AXDND1: variants seen among roughly 807,000 people sequenced by gnomAD.
The protein encoded by AXDND1 is axonemal dynein light chain domain containing 1, also known as axonemal dynein light chain domain-containing protein 1.
Under a neutral mutation model 137.5 loss-of-function variants are expected in AXDND1, and 110 were observed. The ratio of observed to expected loss-of-function variants is 0.80; its 90% CI spans 0.69 to 0.94. AXDND1 has a LOEUF of 0.94. Among genes scored for constraint, AXDND1 ranks in the 40% least tolerant of loss-of-function variants. The pLI, the probability that AXDND1 is intolerant of heterozygous loss-of-function variation, is 0.00. For missense variants in AXDND1, 1,191 were observed against 1,169.8 expected (o/e 1.02, Z -0.26); for synonymous variants, 414 against 399.7 (o/e 1.04, Z -0.43).
At chr1:179,474,543 A>T (rs1196454651) in intron 17 of AXDND1, among the ~76,000 whole-genome samples, 1 of 152,202 alleles carries the variant, frequency 6.6e-6, no homozygotes, top group Admixed American at 6.5e-5. Context: ...CTGGAATAAA[A>T]GTCACCCTTG....
intron 21 of AXDND1, among the ~76,000 whole-genome samples, chr1:179,521,327 C>G (rs1004977456): frequency 1.3e-5 from 2 of 152,130 alleles, no homozygotes; most frequent in East Asian, 3.9e-4. Context: ...GCTGCTCTTC[C>G]TCTTACTGTT....
At chr1:179,495,611 T>C (rs535602973) in intron 20 of AXDND1, among the ~76,000 whole-genome samples, 1 of 152,080 alleles carries the variant, frequency 6.6e-6, no homozygotes, top group East Asian at 1.9e-4. Context: ...TCTTTGGGAT[T>C]TTTAATACAC....
At chr1:179,418,436 A>C (rs1571738543) in intron 12 of AXDND1, among the ~76,000 whole-genome samples, 1 of 152,008 alleles carries the variant, frequency 6.6e-6, no homozygotes, top group Non-Finnish European at 1.5e-5. Flanking sequence ...TCTTTTCCCC[A>C]CCTTTTCCCC....
intron 1 of AXDND1, 51 bp from the exon 2 acceptor site, chr1:179,366,353 A>G (rs1667394482): frequency 1.7e-6 from 1 of 578,310 alleles, no homozygotes; most frequent in East Asian, 3.0e-5. Flanking sequence ...TAAGTACTCA[A>G]TAGTTGTCAT....
intron 4 of AXDND1, among the ~76,000 whole-genome samples, chr1:179,370,751 T>C (rs573421849): frequency 6.6e-6 from 1 of 152,320 alleles, no homozygotes; most frequent in South Asian, 2.1e-4. Flanking sequence ...AAACAAATGT[T>C]TACACTTAAC....
At chr1:179,537,618 C>T (rs532851255) in intron 25 of AXDND1, among the ~76,000 whole-genome samples, 8 of 152,220 alleles carry the variant, frequency 5.3e-5, no homozygotes, top group Non-Finnish European at 1.0e-4. Context: ...AGGATTTTCT[C>T]ATCAATGTTC....
chr1:179,377,805 A>G (rs1335659007), intron 4 of AXDND1, among the ~76,000 whole-genome samples: 2 of 152,148 alleles, frequency 1.3e-5, no homozygotes, highest in African/African-American at 2.4e-5. Flanking sequence ...ATTGCAGGAC[A>G]ATTTTAGGAA....
At chr1:179,370,784 C>A (rs1346992073) in intron 4 of AXDND1, among the ~76,000 whole-genome samples, 1 of 152,300 alleles carries the variant, frequency 6.6e-6, no homozygotes, top group South Asian at 2.1e-4. Context: ...GTTATTTAGT[C>A]TTTCTGAAGC....
intron 11 of AXDND1, among the ~76,000 whole-genome samples, chr1:179,400,363 G>A (rs1041689893): frequency 2.6e-5 from 4 of 152,010 alleles, no homozygotes; most frequent in African/African-American, 9.7e-5. Flanking sequence ...ACTGATACGT[G>A]GGAGTTAAGC....
In AXDND1 at chr1:179,492,844, C is replaced by G. The variant is rs780325208; in HGVS notation, c.2292-11C>G. ...CTCTTTTTCTTTTTCTTTTTTTCCC[C>G]CTTTTTGCAGTTGTTGCAAAGGGAT... On this transcript the variant is annotated splice_polypyrimidine_tract_variant and intron_variant, in intron 19 of 25. Coordinates refer to ENST00000367618, the MANE Select transcript of AXDND1 (RefSeq NM_144696.6). 1 of 1,569,290 alleles carries G rather than the reference C, an allele frequency of 6.4e-7. No homozygotes were observed. The highest frequency in any genetic ancestry group is 1.2e-5 in the South Asian group (1 of 85,212).
At position 179,371,533 on chromosome 1, in the gene AXDND1, G is replaced by A. The variant is rs544344964; in HGVS notation, c.374+1455G>A. ...CAGGATAATGCCCCCTCAACCCCACGAAAACATTTTCACTGTAGTCTCAGA... is the reference window on the plus strand; with the variant it reads ...CAGGATAATGCCCCCTCAACCCCACAAAAACATTTTCACTGTAGTCTCAGA... On this transcript the variant is annotated intron_variant, in intron 4 of 25. Coordinates refer to ENST00000367618, the MANE Select transcript of AXDND1 (RefSeq NM_144696.6). Among the ~76,000 whole-genome samples the A allele has an allele frequency of 7.2e-5, 11 of 152,194 alleles. No individual in the cohort carries two copies. The South Asian group carries it at 1.9e-3, about 26-fold the overall frequency.
At chr1:179,551,027 G>A (rs2125762433) in intron 25 of AXDND1, 1 of 905,266 alleles carries the variant, frequency 1.1e-6, no homozygotes, top group East Asian at 2.6e-5. Flanking sequence ...GTCTTCTCAT[G>A]GATGGTGCAT....
At chr1:179,493,494 T>G (rs549231532) in intron 20 of AXDND1, among the ~76,000 whole-genome samples, 1 of 152,328 alleles carries the variant, frequency 6.6e-6, no homozygotes, top group Middle Eastern at 3.4e-3. Flanking sequence ...GATGTATACT[T>G]TCACTTCTCT....
At chr1:179,391,094 C>T (rs12751244) in intron 9 of AXDND1, among the ~76,000 whole-genome samples, 43,771 of 149,060 alleles carry the variant, frequency 0.29, 6,570 homozygotes, top group Non-Finnish European at 0.31. Context: ...GCGTGAGCCA[C>T]TGAGGCCAGA....
intron 4 of AXDND1, among the ~76,000 whole-genome samples, chr1:179,376,363 C>T (rs1001516091): frequency 9.9e-5 from 15 of 152,164 alleles, no homozygotes; most frequent in Middle Eastern, 6.8e-3. Flanking sequence ...GAAAGTTGGC[C>T]CTCTGTATAT....
intron 2 of AXDND1, 149 bp from the exon 3 acceptor site, chr1:179,368,651 T>C (rs1325073147): frequency 1.2e-5 from 8 of 649,842 alleles, no homozygotes; most frequent in Non-Finnish European, 2.1e-5. Flanking sequence ...ATGTTCACTG[T>C]TTTCAATATT....
chr1:179,549,996 T>A (rs1453075880), intron 25 of AXDND1, among the ~76,000 whole-genome samples: 1 of 152,174 alleles, frequency 6.6e-6, no homozygotes, highest in Admixed American at 6.5e-5. Flanking sequence ...ACCATACTCC[T>A]GGGTCTGGTA....
intron 11 of AXDND1, among the ~76,000 whole-genome samples, chr1:179,409,105 A>G (rs1336755448): frequency 6.6e-6 from 1 of 150,448 alleles, no homozygotes; most frequent in East Asian, 1.9e-4. Context: ...TATGGCTTTC[A>G]GTTTATTTGT....
chr1:179,375,017 TAAA>T (rs1014226575), intron 4 of AXDND1, among the ~76,000 whole-genome samples: 1 of 151,700 alleles, frequency 6.6e-6, no homozygotes, highest in African/African-American at 2.4e-5. Context: ...TTTTAAAAAT[TAAA>T]AAAATACAAA....
Sources: gnomAD v4.1 joint callset for allele counts (sites outside exome capture counted in the v4.1 genomes callset) on GRCh38, gnomAD v4.1.1 for gene constraint, MANE v1.5 for transcripts, NCBI Gene and HGNC (gene_info 2026-07-23, HGNC 2026-07-21) for gene names.